Variants in MAD1L1 observed in about 807,000 individuals in gnomAD.
The protein encoded by MAD1L1 is mitotic arrest deficient 1 like 1.
In MAD1L1, 95 loss-of-function variants were observed where a neutral mutation model predicts 96.9. That is an observed-to-expected ratio of 0.98 (90% CI 0.83 to 1.16). The LOEUF (loss-of-function observed/expected upper bound fraction) is 1.16. Ranked by LOEUF, MAD1L1 falls within the 50% of genes most tolerant of loss-of-function variation. The pLI, the probability that MAD1L1 is intolerant of heterozygous loss-of-function variation, is 0.00. For synonymous variants in MAD1L1, 473 were observed against 396.6 expected, an observed-to-expected ratio of 1.19 and a Z score of -2.29; for missense variants, 1,007 against 954.4, an observed-to-expected ratio of 1.06 and a Z score of -0.73.
Position 1,815,914 on chromosome 7 carries a change from G to A in MAD1L1, c.*156C>T, listed in dbSNP as rs1367754872. The A allele has an allele frequency of 5.6e-6, 5 of 894,900 alleles. No individual in the cohort carries two copies. Among genetic ancestry groups the A allele is most frequent in the African/African-American group, 1.7e-5 (1 of 58,998 alleles). The allele number at this position is 894,900 out of a possible 1,614,324, so 55.4% of individuals were successfully genotyped here. ...GGAGAGGGTGCTGGCCGCCCCAGCA[G>A]GAAGCCCGACGTAGGTCCCAGCGTG... is the stretch of plus-strand genomic sequence containing the variant. On this transcript the variant is annotated 3_prime_UTR_variant, in exon 19 of 19. Transcript: ENST00000265854.
intron 16 of MAD1L1, among the ~76,000 whole-genome samples, chr7:1,955,944 G>C: frequency 7.9e-6 from 1 of 126,804 alleles, no homozygotes; most frequent in Non-Finnish European, 1.6e-5. Context: ...TTCCATCTTA[G>C]ACTAAACTTC....
At chr7:1,966,112 T>C (rs11766575) in intron 15 of MAD1L1, among the ~76,000 whole-genome samples, 44,677 of 152,232 alleles carry the variant, frequency 0.29, 8,020 homozygotes, top group East Asian at 0.47. Flanking sequence ...GCACTGCCAA[T>C]GTCCCAGGCC....
At chr7:2,100,090 G>A (rs1454580599) in intron 11 of MAD1L1, among the ~76,000 whole-genome samples, 1 of 152,218 alleles carries the variant, frequency 6.6e-6, no homozygotes, top group Non-Finnish European at 1.5e-5. Flanking sequence ...ACCTGTTGAT[G>A]GATAAGGACA....
chr7:2,198,751 T>C (rs1177252607), intron 10 of MAD1L1, among the ~76,000 whole-genome samples: 2 of 152,178 alleles, frequency 1.3e-5, no homozygotes, highest in African/African-American at 2.4e-5. Context: ...ATGCTCTTGG[T>C]AGCCCCTACT....
intron 18 of MAD1L1, among the ~76,000 whole-genome samples, chr7:1,887,150 G>A (rs1029759232): frequency 6.6e-6 from 1 of 152,260 alleles, no homozygotes; most frequent in African/African-American, 2.4e-5. Context: ...TGCCTCCTCT[G>A]GATCCAGATC....
chr7:1,819,088 C>A (rs923104013), intron 18 of MAD1L1, among the ~76,000 whole-genome samples: 1 of 152,120 alleles, frequency 6.6e-6, no homozygotes. Flanking sequence ...GAATGAGTGG[C>A]GCCGGGCCCA....
At chr7:2,194,584 AAC>A (rs1409189347) in intron 10 of MAD1L1, among the ~76,000 whole-genome samples, 2 of 152,180 alleles carry the variant, frequency 1.3e-5, no homozygotes, top group Non-Finnish European at 2.9e-5. Flanking sequence ...AACTAATTGT[AAC>A]AGAGACCTTA....
chr7:2,028,309 C>T (rs1783071206), intron 12 of MAD1L1, among the ~76,000 whole-genome samples: 1 of 151,208 alleles, frequency 6.6e-6, no homozygotes, highest in African/African-American at 2.4e-5. Flanking sequence ...CCTGTAGTCC[C>T]AGCTACTCGG....
At chr7:1,969,387 T>TAATA (rs947645947) in intron 15 of MAD1L1, among the ~76,000 whole-genome samples, 15 of 151,992 alleles carry the variant, frequency 9.9e-5, no homozygotes, top group East Asian at 3.9e-4. Flanking sequence ...ACCTCAAAAA[T>TAATA]AATAAATAAA....
At chr7:2,052,538 G>A (rs1784229828) in intron 12 of MAD1L1, among the ~76,000 whole-genome samples, 1 of 152,074 alleles carries the variant, frequency 6.6e-6, no homozygotes, top group South Asian at 2.1e-4. Flanking sequence ...GCCCAGGGAG[G>A]GCACCTGACA....
chr7:2,056,936 C>A (rs1488894923), intron 12 of MAD1L1, among the ~76,000 whole-genome samples: 1 of 152,224 alleles, frequency 6.6e-6, no homozygotes, highest in Non-Finnish European at 1.5e-5. Context: ...GTGCAGCTAT[C>A]ATTACCACAA....
At chr7:1,954,590 C>T (rs1583905758) in intron 16 of MAD1L1, among the ~76,000 whole-genome samples, 2 of 152,188 alleles carry the variant, frequency 1.3e-5, no homozygotes, top group East Asian at 3.9e-4. Flanking sequence ...GCGGCTGCAC[C>T]AATAGCCATG....
intron 17 of MAD1L1, among the ~76,000 whole-genome samples, chr7:1,915,172 G>C (rs1055332649): frequency 2.0e-5 from 3 of 152,222 alleles, no homozygotes; most frequent in Non-Finnish European, 2.9e-5. Flanking sequence ...AGGCCCTGAG[G>C]ACACAGTGTG....
intron 16 of MAD1L1, among the ~76,000 whole-genome samples, chr7:1,954,422 G>A (rs1030706362): frequency 2.0e-5 from 3 of 152,114 alleles, no homozygotes; most frequent in Admixed American, 1.3e-4. Flanking sequence ...GAGGGCAGCC[G>A]GGAGCCAGAA....
At chr7:1,912,709 C>T (rs1391725555) in intron 17 of MAD1L1, among the ~76,000 whole-genome samples, 2 of 152,230 alleles carry the variant, frequency 1.3e-5, no homozygotes, top group Admixed American at 6.5e-5. Context: ...GGGAGCCCAC[C>T]GCGCACGCAC....
intron 11 of MAD1L1, among the ~76,000 whole-genome samples, chr7:2,082,788 C>T (rs1028210677): frequency 7.9e-5 from 12 of 152,252 alleles, no homozygotes; most frequent in Non-Finnish European, 1.6e-4. Flanking sequence ...TGATGGAGCC[C>T]GGCGCCTGCA....
chr7:1,909,242 C>T (rs114387538), intron 17 of MAD1L1, among the ~76,000 whole-genome samples: 2,360 of 152,286 alleles, frequency 0.015, 55 homozygotes, highest in African/African-American at 0.055. Flanking sequence ...AGTGGAGGCC[C>T]AGGGCTGGGG....
In MAD1L1 at chr7:2,219,401, T is replaced by A. The variant is rs1246547437; in HGVS notation, c.527A>T (p.Gln176Leu). The change falls in exon 6 of 19, where the codon CAG (glutamine) becomes CTG (leucine). Residue 176 changes from glutamine (Q) to leucine (L), a missense_variant. By Grantham distance (113) the Gln-to-Leu change is moderately radical (BLOSUM62 -2). Coordinates refer to ENST00000265854, the MANE Select transcript of MAD1L1 (RefSeq NM_001013836.2). The stretch of plus-strand genomic sequence containing the variant: ...CTCCAGGCGCTTCACCCGCATCTCC[T>A]GGTCCATCACGCTCCACTGCAGTTC... ...ISELQWSVMD[Q>L]EMRVKRLESE... 6.2e-7 allele frequency: 1 copy of A among 1,612,266 alleles called. No homozygotes were observed. Among genetic ancestry groups the A allele is most frequent in the South Asian group, 1.1e-5 (1 of 90,486 alleles).
chr7:1,896,424 C>T (rs1786875398), intron 18 of MAD1L1, among the ~76,000 whole-genome samples: 1 of 152,204 alleles, frequency 6.6e-6, no homozygotes, highest in Non-Finnish European at 1.5e-5. Context: ...TCCAGCAAAC[C>T]TGAGGACATT....
Sources: allele counts gnomAD v4.1 joint callset (sites outside exome capture counted in the v4.1 genomes callset), GRCh38; gene constraint gnomAD v4.1.1; transcripts MANE v1.5; gene names NCBI Gene and HGNC (gene_info 2026-07-23, HGNC 2026-07-21).